SLC13A1: variants seen among roughly 807,000 people sequenced by gnomAD.
SLC13A1 encodes the protein solute carrier family 13 member 1, also known as Na(+)/sulfate cotransporter.
SLC13A1 carries 65 observed loss-of-function variants against 70.0 expected under a neutral mutation model. The observed-to-expected ratio is 0.93, with a 90% CI of 0.76 to 1.14. SLC13A1 has a LOEUF of 1.14. SLC13A1 is among the 50% of genes most tolerant of loss of function. SLC13A1 has a pLI of 0.00. For missense variants in SLC13A1, 726 were observed against 717.8 expected (o/e 1.01, Z -0.13); for synonymous variants, 275 against 250.5 (o/e 1.10, Z -0.92).
intron 1 of SLC13A1, among the ~76,000 whole-genome samples, chr7:123,198,325 G>A (rs1289332296): frequency 6.6e-6 from 1 of 151,982 alleles, no homozygotes; most frequent in Non-Finnish European, 1.5e-5. Flanking sequence ...GGGAGGGAAA[G>A]GGTTAGTCAC....
intron 6 of SLC13A1, among the ~76,000 whole-genome samples, chr7:123,152,977 T>C (rs78459976): frequency 6.6e-6 from 1 of 152,094 alleles, no homozygotes; most frequent in Admixed American, 6.6e-5. Flanking sequence ...GATGCATAAT[T>C]TGAATATTAT....
At chr7:123,153,418 G>T (rs1171743032) in intron 6 of SLC13A1, among the ~76,000 whole-genome samples, 15 of 152,082 alleles carry the variant, frequency 9.9e-5, no homozygotes, top group Non-Finnish European at 4.4e-5. Flanking sequence ...GTGGAATGGT[G>T]AATGCACCAT....
At chr7:123,162,066 T>A (rs1371090976) in intron 6 of SLC13A1, among the ~76,000 whole-genome samples, 2 of 150,978 alleles carry the variant, frequency 1.3e-5, no homozygotes, top group African/African-American at 4.9e-5. Flanking sequence ...AGAAGATGCA[T>A]AGGAGAACAC....
chr7:123,134,649 G>T lies in SLC13A1; in HGVS notation c.813-120C>A, dbSNP rs973788635. 8 of 874,434 alleles carry T rather than the reference G, an allele frequency of 9.1e-6. No homozygotes were observed. The Admixed American group carries it at 1.8e-4, about 20-fold the overall frequency. 54.2% of individuals were successfully genotyped at this position (874,434 alleles called of 1,614,324 possible). On this transcript the variant is annotated intron_variant, in intron 7 of 14. Coordinates refer to ENST00000194130, the MANE Select transcript of SLC13A1 (RefSeq NM_022444.4). ...GTTTCTGTCCAAGAAGGAAGTCCTGGAATATACTCATCATTAAATAGAGTA... is the reference window on the plus strand; with the variant it reads ...GTTTCTGTCCAAGAAGGAAGTCCTGTAATATACTCATCATTAAATAGAGTA...
intron 2 of SLC13A1, among the ~76,000 whole-genome samples, chr7:123,173,742 C>A (rs771332435): frequency 5.3e-5 from 8 of 152,140 alleles, no homozygotes; most frequent in Non-Finnish European, 1.0e-4. Context: ...CTAACCATCA[C>A]GTATTTTGCA....
At chr7:123,198,024 A>G (rs1469528668) in intron 1 of SLC13A1, among the ~76,000 whole-genome samples, 1 of 152,108 alleles carries the variant, frequency 6.6e-6, no homozygotes, top group Non-Finnish European at 1.5e-5. Flanking sequence ...TTTCTCTGCC[A>G]TAAGTAAGAA....
intron 6 of SLC13A1, among the ~76,000 whole-genome samples, chr7:123,162,521 G>T (rs553135977): frequency 6.6e-6 from 1 of 152,076 alleles, no homozygotes; most frequent in Non-Finnish European, 1.5e-5. Context: ...GTTGAGTCAG[G>T]TAAGGGTTGA....
In SLC13A1 at chr7:123,171,824, A is replaced by C. The variant is rs1187559185; in HGVS notation, c.309T>G (p.Asn103Lys). ...ICLATSIEKWNLHKRIALKMV... is the reference protein window; with the variant it reads ...ICLATSIEKWKLHKRIALKMV... The stretch of plus-strand genomic sequence containing the variant: ...TTTTCAGAGCAATTCTCTTGTGCAA[A>C]TTCCATTTTTCTATGGATGTTGCTA... Residue 103 changes from asparagine to lysine, a missense_variant, in exon 3 of 15, where the codon AAT becomes AAG. By Grantham distance (94) the Asn-to-Lys change is moderately conservative. Coordinates refer to ENST00000194130, the MANE Select transcript of SLC13A1 (RefSeq NM_022444.4). 2 of 1,613,864 alleles carry C rather than the reference A, an allele frequency of 1.2e-6. No homozygotes were observed. Among genetic ancestry groups the C allele is most frequent in the Non-Finnish European group, 1.7e-6 (2 of 1,179,852 alleles).
intron 7 of SLC13A1, among the ~76,000 whole-genome samples, chr7:123,135,479 A>G (rs1793921260): frequency 6.6e-6 from 1 of 152,174 alleles, no homozygotes; most frequent in African/African-American, 2.4e-5. Context: ...GATATACAGA[A>G]GTAATAAAAA....
At position 123,188,752 on chromosome 7, in the gene SLC13A1, G is replaced by C. The variant is rs181201289; in HGVS notation, c.100-7651C>G. ...GCTTTATTGTATTTTTAATTGACAG[G>C]AGGATTTTAATTTTAATGCAGTGAT... On this transcript the variant is annotated intron_variant, in intron 1 of 14. Coordinates refer to ENST00000194130, the MANE Select transcript of SLC13A1 (RefSeq NM_022444.4). Among the ~76,000 whole-genome samples, 10 of 152,176 alleles carry C rather than the reference G, an allele frequency of 6.6e-5. No individual in the cohort carries two copies. The East Asian group carries it at 1.9e-3, about 29-fold the overall frequency.
intron 1 of SLC13A1, among the ~76,000 whole-genome samples, chr7:123,195,064 CA>C (rs1408340040): frequency 6.6e-6 from 1 of 152,130 alleles, no homozygotes; most frequent in Non-Finnish European, 1.5e-5. Flanking sequence ...TACATAAAGA[CA>C]GAAACATTAA....
intron 7 of SLC13A1, among the ~76,000 whole-genome samples, chr7:123,136,094 T>C (rs1793940158): frequency 6.6e-6 from 1 of 152,198 alleles, no homozygotes; most frequent in African/African-American, 2.4e-5. Flanking sequence ...CACTCAGAAA[T>C]GCTGCTTGGA....
intron 1 of SLC13A1, among the ~76,000 whole-genome samples, chr7:123,188,601 CT>C (rs1795894538): frequency 6.6e-6 from 1 of 151,656 alleles, no homozygotes. Flanking sequence ...TTTCATTTTT[CT>C]GTTGGGTTAT....
intron 7 of SLC13A1, among the ~76,000 whole-genome samples, chr7:123,146,910 G>T (rs1211396385): frequency 6.6e-6 from 1 of 152,108 alleles, no homozygotes; most frequent in East Asian, 1.9e-4. Flanking sequence ...TTTGTTAAGG[G>T]TGGTCAGCCA....
intron 4 of SLC13A1, among the ~76,000 whole-genome samples, chr7:123,168,862 A>C (rs1481388437): frequency 6.6e-6 from 1 of 152,226 alleles, no homozygotes; most frequent in Non-Finnish European, 1.5e-5. Context: ...TATAGGAAAG[A>C]GTAACCTGGA....
At chr7:123,131,510 A>G (rs1793758654) in intron 8 of SLC13A1, among the ~76,000 whole-genome samples, 1 of 152,224 alleles carries the variant, frequency 6.6e-6, no homozygotes, top group South Asian at 2.1e-4. Flanking sequence ...ATGACAATGC[A>G]TCAAACTCTC....
At chr7:123,124,646 A>T (rs1313092491) in intron 11 of SLC13A1, among the ~76,000 whole-genome samples, 2 of 152,118 alleles carry the variant, frequency 1.3e-5, no homozygotes, top group Admixed American at 6.5e-5. Context: ...TGTGTTGTAA[A>T]GCAAAGATAT....
chr7:123,121,028 T>C (rs746439054), intron 12 of SLC13A1, among the ~76,000 whole-genome samples: 153 of 152,178 alleles, frequency 1.0e-3, no homozygotes, highest in Admixed American at 2.8e-3. Context: ...TGTGGAAATG[T>C]TCTTCTTTTC....
At chr7:123,141,055 C>T (rs1377606546) in intron 7 of SLC13A1, among the ~76,000 whole-genome samples, 1 of 151,552 alleles carries the variant, frequency 6.6e-6, no homozygotes, top group Non-Finnish European at 1.5e-5. Context: ...GAGCTATAAA[C>T]TTCCCTCTTG....
Sources: allele counts gnomAD v4.1 joint callset (sites outside exome capture counted in the v4.1 genomes callset), GRCh38; gene constraint gnomAD v4.1.1; transcripts MANE v1.5; gene names NCBI Gene and HGNC (gene_info 2026-07-23, HGNC 2026-07-21).